PRKAR1B: variants seen among roughly 807,000 people sequenced by gnomAD.
The protein encoded by PRKAR1B is cAMP-dependent protein kinase type I-beta regulatory subunit.
PRKAR1B carries 22 observed loss-of-function variants against 46.5 expected under a neutral mutation model. The observed-to-expected ratio is 0.47, with a 90% CI of 0.34 to 0.68. The LOEUF is 0.68. Among genes scored for constraint, PRKAR1B ranks in the 30% least tolerant of loss-of-function variants. The pLI is 0.01. For missense variants in PRKAR1B, 445 were observed against 535.6 expected (o/e 0.83, Z 1.67); for synonymous variants, 259 against 217.7 (o/e 1.19, Z -1.67).
intron 1 of PRKAR1B, among the ~76,000 whole-genome samples, chr7:725,711 G>C (rs1055893846): frequency 6.6e-6 from 1 of 152,202 alleles, no homozygotes. Flanking sequence ...AGAAATTGTG[G>C]TTTGAGTCAT....
chr7:557,056 C>A (rs1225472292), intron 9 of PRKAR1B, among the ~76,000 whole-genome samples: 1 of 152,244 alleles, frequency 6.6e-6, no homozygotes, highest in Non-Finnish European at 1.5e-5. Flanking sequence ...CACCCCCGGC[C>A]TGGGCCGGGC....
intron 2 of PRKAR1B, among the ~76,000 whole-genome samples, chr7:695,232 G>A (rs969923765): frequency 6.6e-6 from 1 of 152,148 alleles, no homozygotes; most frequent in Non-Finnish European, 1.5e-5. Flanking sequence ...GGGATCAGAG[G>A]TGGCCGGCGA....
At chr7:556,195 TG>T (rs1252990983) in intron 9 of PRKAR1B, among the ~76,000 whole-genome samples, 1 of 151,398 alleles carries the variant, frequency 6.6e-6, no homozygotes. Flanking sequence ...ACAGCTCAGG[TG>T]GGGGCATTCG....
In PRKAR1B at chr7:644,110, A is replaced by G. The variant is rs990841643; in HGVS notation, c.440+33119T>C. Among the ~76,000 whole-genome samples the G allele has an allele frequency of 6.6e-6, 1 of 152,102 alleles. No homozygotes were observed. Among genetic ancestry groups the G allele is most frequent in the African/African-American group, 2.4e-5 (1 of 41,418 alleles). On this transcript the variant is annotated intron_variant, in intron 4 of 10. Transcript: ENST00000537384. This position sits in a 1 kb window ranked among gnomAD's most constrained non-coding sequence, Gnocchi z 4.9. ...CCCTAAGTCTTCATCTTGCAGACAA[A>G]CAGAGGTGCTAAGTCACGGGCCACA...
chr7:648,017 G>A (rs1040855047), intron 4 of PRKAR1B, among the ~76,000 whole-genome samples: 5 of 151,570 alleles, frequency 3.3e-5, no homozygotes, highest in South Asian at 2.1e-4. Flanking sequence ...GTGGTGGTGC[G>A]CACCTGTGGT....
At position 648,630 on chromosome 7, in the gene PRKAR1B, A is replaced by C. The variant is rs189523582; in HGVS notation, c.440+28599T>G. ...CGTCTCAAAAAAACAAACAAACAAA[A>C]AAATTAGCCAGGCGTGGTGGCAGTG... On this transcript the variant is annotated intron_variant, in intron 4 of 10. Coordinates refer to ENST00000537384, the MANE Select transcript of PRKAR1B (RefSeq NM_001164760.2). 7.6e-3 allele frequency among the ~76,000 whole-genome samples: 1,154 copies of C among 152,006 alleles called. 19 individuals are homozygous for C. Among genetic ancestry groups the C allele is most frequent in the African/African-American group, 0.027 (1,108 of 41,466 alleles).
chr7:551,523 G>T, intron 9 of PRKAR1B, 53 bp from the exon 10 acceptor site: 1 of 1,522,154 alleles, frequency 6.6e-7, no homozygotes, highest in Non-Finnish European at 8.9e-7. Context: ...TGCAGGGTGG[G>T]ACACACGTGA....
rs1780813110 is a variant in PRKAR1B at position 714,693 on chromosome 7, C to T, written c.-22-3166G>A. 6.6e-6 allele frequency among the ~76,000 whole-genome samples: 1 copy of T among 152,252 alleles called. No homozygotes were observed. Among genetic ancestry groups the T allele is most frequent in the African/African-American group, 2.4e-5 (1 of 41,466 alleles). ...GACAAGTTTCTGCCTGACTCCCAGG[C>T]CTCTCTTGCTTCAGCCTTACTGGCT... is the stretch of plus-strand genomic sequence containing the variant. On this transcript the variant is annotated intron_variant, in intron 1 of 10. Coordinates refer to ENST00000537384, the MANE Select transcript of PRKAR1B (RefSeq NM_001164760.2). This position sits in a 1 kb window ranked among gnomAD's most constrained non-coding sequence, Gnocchi z 4.3.
intron 4 of PRKAR1B, among the ~76,000 whole-genome samples, chr7:650,683 C>G (rs1007887770): frequency 3.3e-5 from 5 of 152,260 alleles, no homozygotes; most frequent in Admixed American, 3.3e-4. Context: ...CTGCCTTTGA[C>G]TGCGCCAACT....
At chr7:572,025 C>T (rs1451813222) in intron 9 of PRKAR1B, among the ~76,000 whole-genome samples, 1 of 152,222 alleles carries the variant, frequency 6.6e-6, no homozygotes, top group Admixed American at 6.5e-5. Flanking sequence ...GGACTCTGTC[C>T]CCATTTAGAG....
chr7:685,347 T>TACTATATATATATATATATAC (rs1779014574), intron 2 of PRKAR1B, among the ~76,000 whole-genome samples: 1 of 66,358 alleles, frequency 1.5e-5, no homozygotes, highest in African/African-American at 6.2e-5. Context: ...CGTATATATA[T>TACTATATATATATATATATAC]GTATACATAT....
intron 9 of PRKAR1B, among the ~76,000 whole-genome samples, chr7:556,219 A>G (rs1778418864): frequency 6.6e-6 from 1 of 152,122 alleles, no homozygotes; most frequent in Non-Finnish European, 1.5e-5. Flanking sequence ...CTTCCCACCA[A>G]GAGTGACTGG....
chr7:659,643 G>A (rs1437105854), intron 4 of PRKAR1B, among the ~76,000 whole-genome samples: 4 of 152,206 alleles, frequency 2.6e-5, no homozygotes, highest in Non-Finnish European at 4.4e-5. Flanking sequence ...CATGGACACC[G>A]GCAGGACAGC....
chr7:628,059 C>T (rs889943607), intron 4 of PRKAR1B, among the ~76,000 whole-genome samples: 1 of 152,156 alleles, frequency 6.6e-6, no homozygotes, highest in African/African-American at 2.4e-5. Context: ...CTGAAGGCCC[C>T]CCGAACTCAT....
At position 602,365 on chromosome 7, in the gene PRKAR1B, G is replaced by A. The variant is rs1196948489; in HGVS notation, c.549+3828C>T. On this transcript the variant is annotated intron_variant, in intron 6 of 10. Coordinates refer to ENST00000537384, the MANE Select transcript of PRKAR1B (RefSeq NM_001164760.2). The surrounding 1 kb of genome is among the most constrained non-coding windows in gnomAD (Gnocchi z 6.4). ...GAGTCCAGAGGTCGAGGGGTGGGTG[G>A]GGATTCTGCGAGGATGAGGAGGAGG... Among the ~76,000 whole-genome samples, 2 of 152,128 alleles carry A rather than the reference G, an allele frequency of 1.3e-5. No individual in the cohort carries two copies. Among genetic ancestry groups the A allele is most frequent in the African/African-American group, 4.8e-5 (2 of 41,436 alleles).
chr7:646,594 G>A (rs1036776145), intron 4 of PRKAR1B, among the ~76,000 whole-genome samples: 1 of 152,206 alleles, frequency 6.6e-6, no homozygotes, highest in Non-Finnish European at 1.5e-5. Flanking sequence ...CAGAATCATG[G>A]CTATTTCCAC....
At chr7:687,966 G>A (rs1005135123) in intron 2 of PRKAR1B, among the ~76,000 whole-genome samples, 1 of 151,638 alleles carries the variant, frequency 6.6e-6, no homozygotes, top group Non-Finnish European at 1.5e-5. Context: ...CATGGTGGCA[G>A]GCACCTGTAA....
At chr7:688,340 G>A (rs1779216726) in intron 2 of PRKAR1B, among the ~76,000 whole-genome samples, 1 of 151,316 alleles carries the variant, frequency 6.6e-6, no homozygotes, top group East Asian at 2.0e-4. Flanking sequence ...GGAGGTGGAG[G>A]TTGCGGTGAG....
intron 8 of PRKAR1B, among the ~76,000 whole-genome samples, chr7:582,997 G>T (rs1221740167): frequency 6.6e-6 from 1 of 152,130 alleles, no homozygotes; most frequent in Non-Finnish European, 1.5e-5. Context: ...CCATTCCCAC[G>T]AAACGTCCCG....
Sources: gnomAD v4.1 joint callset for allele counts (sites outside exome capture counted in the v4.1 genomes callset) on GRCh38, gnomAD v4.1.1 for gene constraint, Gnocchi (gnomAD v3.1) non-coding constraint, MANE v1.5 for transcripts, NCBI Gene and HGNC (gene_info 2026-07-23, HGNC 2026-07-21) for gene names.